ATP8B4: variants seen among roughly 807,000 people sequenced by gnomAD.
ATP8B4 encodes the protein probable phospholipid-transporting ATPase IM.
In ATP8B4, 133 loss-of-function variants were observed where a neutral mutation model predicts 145.6. The observed-to-expected ratio is 0.91, with a 90% CI of 0.79 to 1.05. ATP8B4 has a LOEUF of 1.05. ATP8B4 is among the 50% of genes least tolerant of loss of function. The pLI is 0.00. For synonymous variants in ATP8B4, 507 were observed against 492.9 expected (o/e 1.03, Z -0.38); for missense variants, 1,458 against 1,425.2 (o/e 1.02, Z -0.37).
chr15:50,060,181 G>A (rs1382149610), intron 3 of ATP8B4, among the ~76,000 whole-genome samples: 1 of 152,168 alleles, frequency 6.6e-6, no homozygotes, highest in African/African-American at 2.4e-5. Context: ...AGGAAGGAAG[G>A]AGGGCAGGCA....
rs1431609305 is a variant in ATP8B4 at position 50,038,805 on chromosome 15, C to T, written c.325G>A (p.Val109Met). Reference protein sequence around the residue: ...DYFRHKSDNQVNNRQSEVLIN... With the variant: ...DYFRHKSDNQMNNRQSEVLIN... ...AGCACTTCAGACTGCCGATTATTCA[C>T]TTGATTATCACTCTTGTGGCGAAAC... Residue 109 changes from valine to methionine, a missense_variant, in exon 6 of 28, where the codon GTG (valine) becomes ATG (methionine). Coordinates refer to ENST00000284509, the MANE Select transcript of ATP8B4 (RefSeq NM_024837.4). The T allele has an allele frequency of 1.2e-6, 2 of 1,613,750 alleles. No individual in the cohort carries two copies. Among genetic ancestry groups the T allele is most frequent in the East Asian group, 4.5e-5 (2 of 44,864 alleles).
intron 23 of ATP8B4, among the ~76,000 whole-genome samples, chr15:49,891,001 A>G (rs2036729616): frequency 6.6e-6 from 1 of 152,154 alleles, no homozygotes; most frequent in African/African-American, 2.4e-5. Context: ...TTTGAAAGGT[A>G]TTTCTCAATG....
At chr15:49,882,452 T>C (rs1336580601) in intron 23 of ATP8B4, among the ~76,000 whole-genome samples, 2 of 152,220 alleles carry the variant, frequency 1.3e-5, no homozygotes, top group Non-Finnish European at 2.9e-5. Flanking sequence ...CATAGCAGCA[T>C]TGGTCATAAT....
At chr15:49,874,982 A>C in intron 25 of ATP8B4, among the ~76,000 whole-genome samples, 1 of 152,246 alleles carries the variant, frequency 6.6e-6, no homozygotes, top group East Asian at 1.9e-4. Flanking sequence ...CAAGCAAAAA[A>C]AAAGAGAAAA....
At chr15:50,134,169 A>C (rs1006007000) in intron 1 of ATP8B4, among the ~76,000 whole-genome samples, 4 of 152,158 alleles carry the variant, frequency 2.6e-5, no homozygotes, top group African/African-American at 7.2e-5. Flanking sequence ...TAAGAATGAT[A>C]GACTGTCAGT....
intron 23 of ATP8B4, among the ~76,000 whole-genome samples, chr15:49,892,232 ACTTT>A (rs1479867026): frequency 6.6e-6 from 1 of 152,208 alleles, no homozygotes; most frequent in Non-Finnish European, 1.5e-5. Flanking sequence ...AATCAAGAGA[ACTTT>A]CTTAAAGTGT....
chr15:49,959,519 G>A (rs548896052), intron 14 of ATP8B4, among the ~76,000 whole-genome samples: 1 of 151,860 alleles, frequency 6.6e-6, no homozygotes, highest in East Asian at 1.9e-4. Flanking sequence ...AGAATGACAG[G>A]GATAAAATTG....
chr15:49,942,780 G>C (rs552478210), intron 14 of ATP8B4, among the ~76,000 whole-genome samples: 1 of 151,936 alleles, frequency 6.6e-6, no homozygotes, highest in Non-Finnish European at 1.5e-5. Context: ...AGCCGAGATC[G>C]CGCCACTGCA....
At chr15:50,024,619 C>T (rs998243268) in intron 6 of ATP8B4, among the ~76,000 whole-genome samples, 7 of 152,186 alleles carry the variant, frequency 4.6e-5, no homozygotes, top group South Asian at 2.1e-4. Context: ...GCAAGGGAAA[C>T]GTCCACTGCA....
intron 23 of ATP8B4, chr15:49,880,222 T>C (rs1475950200): frequency 6.6e-6 from 1 of 152,216 alleles, no homozygotes; most frequent in African/African-American, 2.4e-5. Flanking sequence ...GGGAGGGCTG[T>C]AATTGTAATA....
intron 3 of ATP8B4, among the ~76,000 whole-genome samples, chr15:50,058,273 G>A (rs2052750346): frequency 6.6e-6 from 1 of 152,190 alleles, no homozygotes; most frequent in Non-Finnish European, 1.5e-5. Flanking sequence ...TATGATCAGA[G>A]TGGGCATTTC....
At chr15:49,968,420 TG>T (rs56979302) in intron 13 of ATP8B4, among the ~76,000 whole-genome samples, 70,926 of 151,862 alleles carry the variant, frequency 0.47, 17,440 homozygotes, top group East Asian at 0.65. Context: ...AATAAAGGGA[TG>T]GAGGAATATT....
At chr15:49,909,544 C>G (rs2039006783) in intron 20 of ATP8B4, among the ~76,000 whole-genome samples, 1 of 151,938 alleles carries the variant, frequency 6.6e-6, no homozygotes, top group Admixed American at 6.5e-5. Context: ...AATGCCAGTG[C>G]CAAATGTGCT....
In ATP8B4 at chr15:49,896,434, A is replaced by G. The variant is rs890208793; in HGVS notation, c.2697+858T>C. 4 of 152,242 alleles carry G rather than the reference A, an allele frequency of 2.6e-5. 1 individual carries two copies. The highest frequency in any genetic ancestry group is 2.6e-4 in the Admixed American group (4 of 15,280). 9.4% of individuals were successfully genotyped at this position (152,242 alleles called of 1,614,324 possible). On this transcript the variant is annotated intron_variant, in intron 23 of 27. Transcript: ENST00000284509. ...TTTCATTTATCCTCAGTCTTTTTGA[A>G]TAAAATGATTTTTTAAAAATCACCT...
chr15:49,927,941 T>C (rs12438914), intron 16 of ATP8B4, among the ~76,000 whole-genome samples: 19,797 of 152,184 alleles, frequency 0.13, 1,703 homozygotes, highest in East Asian at 0.35. Context: ...TCAAGGCTAG[T>C]TTCTAGTAGT....
intron 2 of ATP8B4, among the ~76,000 whole-genome samples, chr15:50,085,731 A>G (rs1351939594): frequency 2.7e-5 from 4 of 150,260 alleles, no homozygotes; most frequent in African/African-American, 7.4e-5. Flanking sequence ...TCCCATCAGG[A>G]GTACAAGGAG....
chr15:50,038,639 G>T, intron 6 of ATP8B4, 129 bp downstream of exon 6: 2 of 704,436 alleles, frequency 2.8e-6, no homozygotes, highest in African/African-American at 1.8e-5. Flanking sequence ...TGGAATTAAA[G>T]TTCAATTTTT....
chr15:50,124,490 T>C (rs1480191654), intron 1 of ATP8B4, among the ~76,000 whole-genome samples: 6 of 152,110 alleles, frequency 3.9e-5, no homozygotes, highest in Admixed American at 3.9e-4. Context: ...AAGCCACAGA[T>C]AGAGACCCGG....
Position 49,918,751 on chromosome 15 carries a change from T to G in ATP8B4, c.2035+88A>C, listed in dbSNP as rs895489117. 1.4e-5 allele frequency: 13 copies of G among 915,912 alleles called. No individual in the cohort carries two copies. In the Admixed American group the frequency reaches 1.7e-4, roughly 12 times the overall value. 56.7% of individuals were successfully genotyped at this position (915,912 alleles called of 1,614,324 possible). A position where few individuals can be genotyped will look rare whatever the true frequency, so the allele number is the denominator to read the frequency against. On this transcript the variant is annotated intron_variant, in intron 19 of 27. Transcript: ENST00000284509. ...TGTGGAAGATTGGGTGAATATTTAA[T>G]TAATTAACCTTTCTGGTTAATTAAA...
Sources: allele counts gnomAD v4.1 joint callset (sites outside exome capture counted in the v4.1 genomes callset), GRCh38; gene constraint gnomAD v4.1.1; transcripts MANE v1.5; gene names NCBI Gene and HGNC (gene_info 2026-07-23, HGNC 2026-07-21).